MUC5B: variants seen among roughly 807,000 people sequenced by gnomAD.
The protein encoded by MUC5B is mucin-5B.
Under a neutral mutation model 376.9 loss-of-function variants are expected in MUC5B, and 116 were observed. The observed-to-expected ratio is 0.31, with a 90% confidence interval of 0.26 to 0.36. The LOEUF (loss-of-function observed/expected upper bound fraction) is 0.36. Among genes scored for constraint, MUC5B ranks in the 10% least tolerant of loss-of-function variants. The pLI, the probability that MUC5B is intolerant of heterozygous loss-of-function variation, is 1.00. For synonymous variants in MUC5B, 3,517 were observed against 3,390.9 expected (o/e 1.04, Z -1.29); for missense variants, 7,165 against 7,769.9 (o/e 0.92, Z 2.93).
intron 6 of MUC5B, 123 bp downstream of exon 6, chr11:1,227,521 G>T: frequency 1.3e-6 from 1 of 749,226 alleles, no homozygotes; most frequent in Non-Finnish European, 2.3e-6. Context: ...GGGCCACGAG[G>T]ACTGTGCCCT....
Position 1,241,165 on chromosome 11 carries a change from T to G in MUC5B, c.4285T>G (p.Tyr1429Asp). Residue 1429 changes from tyrosine (Y) to aspartate (D), a missense_variant, in exon 31 of 49, where the codon TAC (tyrosine) becomes GAC (aspartate). By Grantham distance (160) the Tyr-to-Asp change is radical. Coordinates refer to ENST00000529681, the MANE Select transcript of MUC5B (RefSeq NM_002458.3). ...DYELRVLCCEYVPCGPSPAPG... is the reference protein window; with the variant it reads ...DYELRVLCCEDVPCGPSPAPG... ...CGAGCTGCGGGTTCTCTGCTGCGAA[T>G]ACGTGCCCTGTGGCCCCTCCCCGGC... The G allele has an allele frequency of 6.2e-7, 1 of 1,603,428 alleles. No individual in the cohort carries two copies. Among genetic ancestry groups the G allele is most frequent in the Non-Finnish European group, 8.5e-7 (1 of 1,175,268 alleles).
chr11:1,225,447 A>G (rs1371795390), intron 1 of MUC5B, among the ~76,000 whole-genome samples: 1 of 152,208 alleles, frequency 6.6e-6, no homozygotes, highest in Non-Finnish European at 1.5e-5. Context: ...TTTCCATAGC[A>G]TTGAGCAGGA....
rs1334382067 is a variant in MUC5B at position 1,237,254 on chromosome 11, C to T, written c.3297+90C>T. On this transcript the variant is annotated intron_variant, in intron 25 of 48. Transcript: ENST00000529681. ...ACTGGGTCTTCTGGGCAGACAGCAGCGCTCCAAGGAGGGTCTGACCATGTC... is the reference window on the plus strand; with the variant it reads ...ACTGGGTCTTCTGGGCAGACAGCAGTGCTCCAAGGAGGGTCTGACCATGTC... The T allele has an allele frequency of 1.6e-5, 21 of 1,290,996 alleles. No homozygotes were observed. In the East Asian group the frequency reaches 2.5e-4, roughly 15 times the overall value. 80.0% of individuals were successfully genotyped at this position (1,290,996 alleles called of 1,614,324 possible).
In MUC5B at chr11:1,251,136, C is replaced by G; in HGVS notation, c.14256C>G (p.Pro4752=). ...AATCCACAGCTACCAGCTTTACACC[C>G]ATCCCCTCCTCCACCCTGTGGACCA... ...ATKSTATSFT[P]IPSSTLWTTW... is the part of the protein sequence containing the mutation. The change falls in exon 31 of 49, where the codon CCC becomes CCG. Residue 4752 remains proline (P), a synonymous_variant. Transcript: ENST00000529681. The G allele has an allele frequency of 1.9e-6, 3 of 1,611,332 alleles. No individual in the cohort carries two copies. The highest frequency in any genetic ancestry group is 1.1e-5 in the South Asian group (1 of 91,030).
In MUC5B at chr11:1,235,363, T is replaced by G; in HGVS notation, c.2830T>G (p.Cys944Gly). ...TFRIVTENIP[C>G]GTTGTTCSKA... ...CCGCATCGTCACCGAGAACATCCCC[T>G]GTGGGACCACCGGCACCACCTGCTC... Residue 944 changes from cysteine to glycine, a missense_variant, in exon 23 of 49, where the codon TGT becomes GGT. Cys to Gly is a radical substitution (Grantham distance 159). Around this residue, in one of 31 missense-constraint regions of MUC5B, gnomAD observed 530 missense variants for 604.0 expected, o/e 0.88. Transcript: ENST00000529681. The G allele has an allele frequency of 6.2e-7, 1 of 1,610,390 alleles. No homozygotes were observed. Among genetic ancestry groups the G allele is most frequent in the Non-Finnish European group, 8.5e-7 (1 of 1,179,110 alleles).
At chr11:1,226,545 C>G in intron 3 of MUC5B, 70 bp from the exon 4 acceptor site, 1 of 1,526,298 alleles carries the variant, frequency 6.6e-7, no homozygotes, top group Non-Finnish European at 8.8e-7. Context: ...AACCAGGGTG[C>G]CTCGGCCCAG....
chr11:1,237,007 A>G lies in MUC5B; in HGVS notation c.3140A>G (p.Asp1047Gly). The G allele has an allele frequency of 6.4e-7, 1 of 1,574,032 alleles. No individual in the cohort carries two copies. The highest frequency in any genetic ancestry group is 1.8e-5 in the Admixed American group (1 of 54,266). Residue 1047 changes from aspartate to glycine, a missense_variant, in exon 25 of 49, where the codon GAC (aspartate) becomes GGC (glycine). Physicochemically the swap from Asp to Gly is moderately conservative, Grantham distance 94. Around this residue, in one of 31 missense-constraint regions of MUC5B, gnomAD observed 143 missense variants for 193.2 expected, o/e 0.74. Transcript: ENST00000529681. Reference sequence around the variant, plus strand: ...ACGCGTAGCCGGTCCGTGGTGGGGGACGCACTGGAGTTTGGGAACAGCTGG... The same window carrying G: ...ACGCGTAGCCGGTCCGTGGTGGGGGGCGCACTGGAGTTTGGGAACAGCTGG... ...FATRSRSVVGDALEFGNSWKL... is the reference protein window; with the variant it reads ...FATRSRSVVGGALEFGNSWKL...
chr11:1,254,955 T>TGGGGAGGGGAATGAGTG, intron 35 of MUC5B, 75 bp downstream of exon 35: 1 of 511,210 alleles, frequency 2.0e-6, no homozygotes, highest in Non-Finnish European at 2.7e-6. Context: ...AGGGGAAGCC[T>TGGGGAGGGGAATGAGTG]GGGGAGGGGA....
At position 1,234,319 on chromosome 11, in the gene MUC5B, T is replaced by C. The variant is rs764681077; in HGVS notation, c.2478+14T>C. The C allele has an allele frequency of 1.3e-6, 2 of 1,585,614 alleles. No homozygotes were observed. The highest frequency in any genetic ancestry group is 1.3e-5 in the African/African-American group (1 of 74,552). On this transcript the variant is annotated intron_variant, in intron 20 of 48. Transcript: ENST00000529681. The surrounding 1 kb of genome is among the most constrained non-coding windows in gnomAD (Gnocchi z 6.3). Reference sequence around the variant, plus strand: ...GACGTGGGCTGTGTGAGTTCCATGCTTCAGGGAGGGGTGGGCAGGGAAGGG... The same window carrying C: ...GACGTGGGCTGTGTGAGTTCCATGCCTCAGGGAGGGGTGGGCAGGGAAGGG...
Position 1,245,501 on chromosome 11 carries a change from A to G in MUC5B, c.8621A>G (p.Gln2874Arg), listed in dbSNP as rs548553282. ...GTGGTGACCATGGGCTGTGAGCCCC[A>G]GTGTGCCTGGTCAGAGTGGCTGGAC... ...TTVVTMGCEP[Q>R]CAWSEWLDYS... Residue 2874 changes from glutamine (Q) to arginine (R), a missense_variant, in exon 31 of 49, where the codon CAG (glutamine) becomes CGG (arginine). This residue lies in a region of MUC5B where 57 missense variants were observed against 167.2 expected (regional missense o/e 0.34). Transcript: ENST00000529681. 7.0e-7 allele frequency: 1 copy of G among 1,428,122 alleles called. No individual in the cohort carries two copies. Among genetic ancestry groups the G allele is most frequent in the South Asian group, 1.2e-5 (1 of 83,282 alleles). 88.5% of individuals were successfully genotyped at this position (1,428,122 alleles called of 1,614,324 possible).
Position 1,234,570 on chromosome 11 carries a change from G to C in MUC5B, c.2520G>C (p.Gly840=). The change falls in exon 21 of 49, where the codon GGG becomes GGC. Residue 840 remains glycine, a synonymous_variant. Coordinates refer to ENST00000529681, the MANE Select transcript of MUC5B (RefSeq NM_002458.3). This position sits in a 1 kb window ranked among gnomAD's most constrained non-coding sequence, Gnocchi z 6.3. ...HCVSGCVCPP[G]LVSDGSGGCI... is the part of the protein sequence containing the mutation. Reference sequence around the variant, plus strand: ...TGTCCGGCTGTGTCTGTCCCCCGGGGCTGGTGTCGGATGGGAGTGGGGGCT... The same window carrying C: ...TGTCCGGCTGTGTCTGTCCCCCGGGCCTGGTGTCGGATGGGAGTGGGGGCT... 6.3e-7 allele frequency: 1 copy of C among 1,581,026 alleles called. No homozygotes were observed. The highest frequency in any genetic ancestry group is 8.6e-7 in the Non-Finnish European group (1 of 1,164,356).
chr11:1,252,546 C>T (rs1314025637), intron 32 of MUC5B, 22 bp downstream of exon 32: 3 of 1,520,558 alleles, frequency 2.0e-6, no homozygotes, highest in Non-Finnish European at 2.6e-6. Context: ...CTGCCCTCCA[C>T]CTCCCGTGCT....
In MUC5B at chr11:1,251,089, G is replaced by C; in HGVS notation, c.14209G>C (p.Val4737Leu). ...SSPRTATTLP[V>L]LTSTATKSTA... is the part of the protein sequence containing the mutation. ...TCCAAGGACTGCAACCACCCTTCCAGTGCTGACAAGCACAGCCACAAAATC... is the reference window on the plus strand; with the variant it reads ...TCCAAGGACTGCAACCACCCTTCCACTGCTGACAAGCACAGCCACAAAATC... The change falls in exon 31 of 49, where the codon GTG (valine) becomes CTG (leucine). Residue 4737 changes from valine to leucine, a missense_variant. Transcript: ENST00000529681. 2 of 1,611,096 alleles carry C rather than the reference G, an allele frequency of 1.2e-6. No homozygotes were observed. Among genetic ancestry groups the C allele is most frequent in the Non-Finnish European group, 8.5e-7 (1 of 1,178,216 alleles).
rs761299818 is a variant in MUC5B at position 1,229,755 on chromosome 11, G to A, written c.1168G>A (p.Gly390Ser). 23 of 1,601,402 alleles carry A rather than the reference G, an allele frequency of 1.4e-5. No homozygotes were observed. The highest frequency in any genetic ancestry group is 2.7e-5 in the African/African-American group (2 of 74,774). Residue 390 changes from glycine (G) to serine (S), a missense_variant, in exon 10 of 49, where the codon GGC (glycine) becomes AGC (serine). This residue lies in a region of MUC5B where 640 missense variants were observed against 733.0 expected (regional missense o/e 0.87). Transcript: ENST00000529681. Reference protein sequence around the residue: ...LPLGQCPCTHGGRTYSPGTSF... With the variant: ...LPLGQCPCTHSGRTYSPGTSF... ...CCTCGGGCAGTGCCCCTGCACCCAC[G>A]GCGGCCGCACCTACAGCCCGGGCAC...
chr11:1,254,661 C>A (rs1483196231), intron 34 of MUC5B, 33 bp from the exon 35 acceptor site: 8 of 1,596,064 alleles, frequency 5.0e-6, no homozygotes, highest in South Asian at 4.5e-5. Flanking sequence ...CTGGCACTGC[C>A]TCCCAGCTCA....
chr11:1,240,567 A>G (rs1484487306), intron 30 of MUC5B, among the ~76,000 whole-genome samples, 192 bp downstream of exon 30: 1 of 152,192 alleles, frequency 6.6e-6, no homozygotes, highest in South Asian at 2.1e-4. Context: ...CCTCAGCACA[A>G]TGATTGATGG....
chr11:1,243,703 C>A lies in MUC5B; in HGVS notation c.6823C>A (p.His2275Asn), dbSNP rs2133827698. The A allele has an allele frequency of 6.2e-7, 1 of 1,611,422 alleles. No homozygotes were observed. Among genetic ancestry groups the A allele is most frequent in the East Asian group, 2.2e-5 (1 of 44,818 alleles). Residue 2275 changes from histidine to asparagine, a missense_variant, in exon 31 of 49, where the codon CAC becomes AAC. By Grantham distance (68) the His-to-Asn change is moderately conservative. Transcript: ENST00000529681. Reference protein sequence around the residue: ...PPSPGTTTPGHTTATSRTTAT... With the variant: ...PPSPGTTTPGNTTATSRTTAT... ...TTCTCCAGGGACGACCACCCCGGGC[C>A]ACACCACGGCCACCTCCAGGACCAC...
intron 7 of MUC5B, among the ~76,000 whole-genome samples, chr11:1,228,164 G>A (rs1861931794): frequency 6.6e-6 from 1 of 152,166 alleles, no homozygotes; most frequent in South Asian, 2.1e-4. Flanking sequence ...ATGACAGCAT[G>A]AGCCCCCCTG....
chr11:1,223,975 C>G lies in MUC5B; in HGVS notation c.70+782C>G, dbSNP rs569848147. On this transcript the variant is annotated intron_variant, in intron 1 of 48. Transcript: ENST00000529681. ...GGGCAGGTGAGGCTCCCTGGGGTCT[C>G]TCTCCATCTGTGGAAGGGAGGCTGG... is the stretch of plus-strand genomic sequence containing the variant. Among the ~76,000 whole-genome samples the G allele has an allele frequency of 2.9e-3, 440 of 152,338 alleles. 4 individuals carry two copies. The highest frequency in any genetic ancestry group is 1.0e-2 in the African/African-American group (414 of 41,586).
Sources: allele counts gnomAD v4.1 joint callset (sites outside exome capture counted in the v4.1 genomes callset), GRCh38; gene constraint gnomAD v4.1.1; regional missense constraint gnomAD v4.1.1; non-coding constraint Gnocchi (gnomAD v3.1); transcripts MANE v1.5; gene names NCBI Gene and HGNC (gene_info 2026-07-23, HGNC 2026-07-21).